ASS1: variants seen among roughly 807,000 people sequenced by gnomAD.
The protein encoded by ASS1 is argininosuccinate synthase 1.
ASS1 carries 58 observed loss-of-function variants against 60.5 expected under a neutral mutation model. That is an observed-to-expected ratio of 0.96 (90% CI 0.78 to 1.19). The LOEUF (loss-of-function observed/expected upper bound fraction) is 1.19, where lower values mean the gene tolerates loss of function less well. Among genes scored for constraint, ASS1 ranks in the 50% most tolerant of loss-of-function variants. The probability of loss-of-function intolerance (pLI) is 0.00; values close to 1 mark genes in which losing one functional copy is unlikely to be tolerated. For synonymous variants in ASS1, 200 were observed against 206.9 expected (o/e 0.97, Z 0.29); for missense variants, 454 against 547.3 (o/e 0.83, Z 1.70).
chr9:130,485,539 C>T (rs934525748), intron 11 of ASS1, among the ~76,000 whole-genome samples: 5 of 152,110 alleles, frequency 3.3e-5, no homozygotes, highest in Non-Finnish European at 7.4e-5. Context: ...GAGCTGAGGA[C>T]AGAAAAGCAG....
chr9:130,458,611 G>A (rs760681719), intron 4 of ASS1, 22 bp downstream of exon 4: 5 of 1,608,540 alleles, frequency 3.1e-6, no homozygotes, highest in African/African-American at 1.3e-5. Flanking sequence ...GGGAAGGGCC[G>A]GGCAGAGGGA....
At position 130,489,399 on chromosome 9, in the gene ASS1, T is replaced by C. The variant is rs1846391671; in HGVS notation, c.905T>C (p.Met302Thr). 6.2e-7 allele frequency: 1 copy of C among 1,614,006 alleles called. No individual in the cohort carries two copies. Among genetic ancestry groups the C allele is most frequent in the Admixed American group, 1.7e-5 (1 of 60,002 alleles). Residue 302 changes from methionine (M) to threonine (T), a missense_variant, in exon 12 of 15, where the codon ATG (methionine) becomes ACG (threonine). Physicochemically the swap from Met to Thr is moderately conservative, Grantham distance 81. Transcript: ENST00000352480. The surrounding 1 kb of genome is among the most constrained non-coding windows in gnomAD (Gnocchi z 4.1). Reference protein sequence around the residue: ...HAHLDIEAFTMDREVRKIKQG... With the variant: ...HAHLDIEAFTTDREVRKIKQG... ...CATTTAGACATCGAGGCCTTCACCA[T>C]GGACCGGGAAGTGCGCAAAATCAAA...
At position 130,478,532 on chromosome 9, in the gene ASS1, C is replaced by G. The variant is rs549167032; in HGVS notation, c.689-1184C>G. Among the ~76,000 whole-genome samples, 2 of 152,356 alleles carry G rather than the reference C, an allele frequency of 1.3e-5. No homozygotes were observed. The highest frequency in any genetic ancestry group is 1.3e-4 in the Admixed American group (2 of 15,308). ...AAAAAAAGACCGGAGGAACCCTCCC[C>G]TGGCTAGTGCCCATTCACTCTCTAG... On this transcript the variant is annotated intron_variant, in intron 9 of 14. Coordinates refer to ENST00000352480, the MANE Select transcript of ASS1 (RefSeq NM_054012.4). The surrounding 1 kb of genome is among the most constrained non-coding windows in gnomAD (Gnocchi z 4.7).
chr9:130,448,920 T>G (rs1185815195), intron 1 of ASS1, among the ~76,000 whole-genome samples: 1 of 152,168 alleles, frequency 6.6e-6, no homozygotes, highest in Non-Finnish European at 1.5e-5. Flanking sequence ...CTTTTTGCGG[T>G]GAGGAGCTGA....
intron 1 of ASS1, among the ~76,000 whole-genome samples, chr9:130,449,811 C>T (rs183821665): frequency 2.2e-4 from 33 of 152,212 alleles, no homozygotes; most frequent in African/African-American, 7.2e-4. Context: ...CGGGCGCATC[C>T]GCACGCCGAA....
chr9:130,497,555 A>G (rs749081724), intron 13 of ASS1, among the ~76,000 whole-genome samples: 2 of 152,130 alleles, frequency 1.3e-5, no homozygotes, highest in Non-Finnish European at 2.9e-5. Context: ...TCAAACCACA[A>G]TTTTAAAAAG....
At chr9:130,499,641 G>T in intron 14 of ASS1, 71 bp downstream of exon 14, 3 of 1,476,442 alleles carry the variant, frequency 2.0e-6, no homozygotes. Context: ...AGAGCCCCCA[G>T]GTGTAAAGGG....
intron 11 of ASS1, among the ~76,000 whole-genome samples, chr9:130,482,822 C>T (rs938185113): frequency 4.6e-5 from 7 of 152,228 alleles, no homozygotes; most frequent in African/African-American, 7.2e-5. Flanking sequence ...GCCCAGCCTT[C>T]ACTCTGCCCT....
chr9:130,451,923 C>T (rs1406977423), intron 1 of ASS1: 9 of 562,352 alleles, frequency 1.6e-5, no homozygotes, highest in South Asian at 3.1e-5. Context: ...CAGCCTCAGC[C>T]GCCTTCCCTC....
At chr9:130,451,432 G>A (rs1845323292) in intron 1 of ASS1, among the ~76,000 whole-genome samples, 1 of 152,140 alleles carries the variant, frequency 6.6e-6, no homozygotes, top group Admixed American at 6.5e-5. Flanking sequence ...ACTGGGGGAA[G>A]TTGGTCTCTG....
At chr9:130,479,917 T>C (rs554218701) in intron 10 of ASS1, 117 bp downstream of exon 10, 3 of 1,183,718 alleles carry the variant, frequency 2.5e-6, no homozygotes, top group South Asian at 2.4e-5. Context: ...GCACAGGCCA[T>C]GTCCCTTCCC....
intron 3 of ASS1, among the ~76,000 whole-genome samples, chr9:130,455,541 A>T (rs1423052773): frequency 6.6e-6 from 1 of 152,122 alleles, no homozygotes; most frequent in Non-Finnish European, 1.5e-5. Flanking sequence ...CTGTCTACCC[A>T]TTCTTCCATT....
intron 12 of ASS1, among the ~76,000 whole-genome samples, chr9:130,490,878 GTTACA>G (rs1366340027): frequency 3.9e-5 from 6 of 152,156 alleles, no homozygotes; most frequent in Admixed American, 1.3e-4. Flanking sequence ...GATTTGGGGC[GTTACA>G]TTAAACAGCT....
intron 3 of ASS1, 126 bp downstream of exon 3, chr9:130,454,499 T>G: frequency 2.9e-6 from 3 of 1,029,432 alleles, no homozygotes; most frequent in Non-Finnish European, 2.9e-6. Flanking sequence ...GAGTATGAGA[T>G]CATCCTGCTC....
chr9:130,465,082 C>CTTTT, intron 5 of ASS1, among the ~76,000 whole-genome samples: 1 of 138,114 alleles, frequency 7.2e-6, no homozygotes, highest in Non-Finnish European at 1.5e-5. Context: ...TTTCTGGAGA[C>CTTTT]TCGCTCTGTC....
chr9:130,501,026 G>A lies in ASS1; in HGVS notation c.*5G>A, dbSNP rs757523152. ...AGCAAGGTCACTGCCAAATAGACCC[G>A]TGTACAATGAGGAGCTGGGGCCTCC... On this transcript the variant is annotated 3_prime_UTR_variant, in exon 15 of 15. Transcript: ENST00000352480. 7.1e-5 allele frequency: 114 copies of A among 1,611,968 alleles called. No homozygotes were observed. Among genetic ancestry groups the A allele is most frequent in the Non-Finnish European group, 9.2e-5 (109 of 1,179,428 alleles).
At chr9:130,497,965 T>C (rs536846278) in intron 13 of ASS1, among the ~76,000 whole-genome samples, 1 of 152,304 alleles carries the variant, frequency 6.6e-6, no homozygotes, top group East Asian at 1.9e-4. Flanking sequence ...TGCAAGCTCC[T>C]AGTGGCTTCA....
intron 4 of ASS1, among the ~76,000 whole-genome samples, chr9:130,463,531 C>G (rs559292849): frequency 6.6e-6 from 1 of 152,314 alleles, no homozygotes; most frequent in Non-Finnish European, 1.5e-5. Context: ...GTTCCTTTCC[C>G]TTCCTGGGCC....
rs889874140 is a variant in ASS1, at chr9:130,459,262, G to A, written c.363+673G>A. On this transcript the variant is annotated intron_variant, in intron 4 of 14. Transcript: ENST00000352480. This position sits in a 1 kb window ranked among gnomAD's most constrained non-coding sequence, Gnocchi z 4.6. Reference sequence around the variant, plus strand: ...CCAGTGGCCTCTGGTGTCCCTTAGCGTGTGGCTGCGTCACTCCTGTCCTTC... The same window carrying A: ...CCAGTGGCCTCTGGTGTCCCTTAGCATGTGGCTGCGTCACTCCTGTCCTTC... Among the ~76,000 whole-genome samples, 16 of 152,082 alleles carry A rather than the reference G, an allele frequency of 1.1e-4. No homozygotes were observed. Among genetic ancestry groups the A allele is most frequent in the Non-Finnish European group, 2.9e-5 (2 of 68,024 alleles).
Sources: allele counts gnomAD v4.1 joint callset (sites outside exome capture counted in the v4.1 genomes callset), GRCh38; gene constraint gnomAD v4.1.1; non-coding constraint Gnocchi (gnomAD v3.1); transcripts MANE v1.5; gene names NCBI Gene and HGNC (gene_info 2026-07-23, HGNC 2026-07-21).